The following DLG2 variants were observed in gnomAD, a reference collection of about 807,000 sequenced individuals.
DLG2 encodes the protein disks large homolog 2.
In DLG2, 45 loss-of-function variants were observed where a neutral mutation model predicts 132.5. The ratio of observed to expected loss-of-function variants is 0.34; its 90% CI spans 0.27 to 0.44. DLG2 has a LOEUF of 0.44. DLG2 is among the 20% of genes least tolerant of loss of function. DLG2 has a pLI of 1.00. For missense variants in DLG2, 1,045 were observed against 1,196.9 expected (o/e 0.87, Z 1.87); for synonymous variants, 424 against 419.6 (o/e 1.01, Z -0.13).
At chr11:84,569,969 G>T (rs922572261) in intron 6 of DLG2, among the ~76,000 whole-genome samples, 1 of 152,150 alleles carries the variant, frequency 6.6e-6, no homozygotes, top group African/African-American at 2.4e-5. Context: ...CTAATTACCT[G>T]TGTTGACATT....
chr11:83,572,742 A>G (rs1442224772), intron 19 of DLG2, among the ~76,000 whole-genome samples: 2 of 151,894 alleles, frequency 1.3e-5, no homozygotes, highest in African/African-American at 4.8e-5. Flanking sequence ...GAGGCAGCTC[A>G]CTCCTTAGTG....
At chr11:85,197,475 C>A (rs2081157010) in intron 4 of DLG2, among the ~76,000 whole-genome samples, 1 of 152,132 alleles carries the variant, frequency 6.6e-6, no homozygotes, top group South Asian at 2.1e-4. Flanking sequence ...ATTAAGAAAT[C>A]TTGACATTCA....
At chr11:83,717,664 C>T (rs1282170675) in intron 18 of DLG2, among the ~76,000 whole-genome samples, 1 of 152,196 alleles carries the variant, frequency 6.6e-6, no homozygotes, top group Non-Finnish European at 1.5e-5. Flanking sequence ...TACAGAAAAA[C>T]TCATGGCCTG....
At chr11:84,327,372 C>T (rs765798437) in intron 7 of DLG2, among the ~76,000 whole-genome samples, 5 of 151,990 alleles carry the variant, frequency 3.3e-5, no homozygotes, top group East Asian at 3.9e-4. Context: ...TGTGAGACAC[C>T]GTGCCCAGCT....
intron 6 of DLG2, among the ~76,000 whole-genome samples, chr11:84,606,614 A>G (rs1043989491): frequency 1.3e-5 from 2 of 152,190 alleles, no homozygotes; most frequent in Admixed American, 6.6e-5. Context: ...ATTGTGACAC[A>G]TAAGTGAAAC....
At chr11:83,571,018 G>A (rs1358038260) in intron 19 of DLG2, among the ~76,000 whole-genome samples, 1 of 151,980 alleles carries the variant, frequency 6.6e-6, no homozygotes, top group Non-Finnish European at 1.5e-5. Context: ...AAGTAGCCGG[G>A]ATTACAGGCA....
chr11:84,037,602 A>G (rs1332552514), intron 11 of DLG2, among the ~76,000 whole-genome samples: 1 of 152,116 alleles, frequency 6.6e-6, no homozygotes, highest in South Asian at 2.1e-4. Context: ...ACAATGAAGG[A>G]GAGAGAAAAG....
At chr11:83,825,962 G>A (rs2052628465) in intron 17 of DLG2, among the ~76,000 whole-genome samples, 1 of 152,148 alleles carries the variant, frequency 6.6e-6, no homozygotes, top group South Asian at 2.1e-4. Context: ...CAGAGTGGCT[G>A]AAGCATCAGT....
At chr11:85,184,168 C>G (rs2079924259) in intron 4 of DLG2, among the ~76,000 whole-genome samples, 1 of 151,700 alleles carries the variant, frequency 6.6e-6, no homozygotes, top group Non-Finnish European at 1.5e-5. Context: ...CTGGAAGGGA[C>G]CAGAGCATGA....
At chr11:83,903,686 G>C (rs549568567) in intron 15 of DLG2, among the ~76,000 whole-genome samples, 3 of 152,232 alleles carry the variant, frequency 2.0e-5, no homozygotes, top group Admixed American at 6.5e-5. Flanking sequence ...TCCACAATGA[G>C]TGTAGTTGCT....
At chr11:84,189,856 G>A (rs919822027) in intron 8 of DLG2, among the ~76,000 whole-genome samples, 6 of 152,066 alleles carry the variant, frequency 3.9e-5, no homozygotes, top group African/African-American at 1.4e-4. Context: ...GCATCAGGAA[G>A]GATAGCTAAT....
At chr11:83,625,363 C>G (rs1367253086) in intron 19 of DLG2, among the ~76,000 whole-genome samples, 1 of 152,226 alleles carries the variant, frequency 6.6e-6, no homozygotes, top group Admixed American at 6.5e-5. Context: ...ATTCCACACT[C>G]TTCTTTATCA....
chr11:83,793,725 C>G (rs762643291), intron 17 of DLG2, among the ~76,000 whole-genome samples: 7 of 152,134 alleles, frequency 4.6e-5, no homozygotes, highest in Non-Finnish European at 1.0e-4. Flanking sequence ...ACCTACCTAC[C>G]TACCTACCTA....
At position 84,536,350 on chromosome 11, in the gene DLG2, G is replaced by C. The variant is rs140320605; in HGVS notation, c.358-1619C>G. ...CTGAATCCTCTTTCAGTTATCATCAGCCTCTCCTCTACCCCATAAAGAGAT... is the reference window on the plus strand; with the variant it reads ...CTGAATCCTCTTTCAGTTATCATCACCCTCTCCTCTACCCCATAAAGAGAT... On this transcript the variant is annotated intron_variant, in intron 6 of 27. Transcript: ENST00000376104. Among the ~76,000 whole-genome samples, 136 of 151,884 alleles carry C rather than the reference G, an allele frequency of 9.0e-4. 3 individuals carry two copies. In the East Asian group the frequency reaches 0.026, roughly 29 times the overall value.
chr11:83,487,596 A>C (rs1199362705), intron 21 of DLG2, among the ~76,000 whole-genome samples: 3 of 152,042 alleles, frequency 2.0e-5, no homozygotes, highest in African/African-American at 7.2e-5. Flanking sequence ...AGCCTGCTTC[A>C]AGTTTATATT....
At chr11:84,150,849 A>C (rs1015841953) in intron 9 of DLG2, among the ~76,000 whole-genome samples, 1 of 152,082 alleles carries the variant, frequency 6.6e-6, no homozygotes, top group African/African-American at 2.4e-5. Flanking sequence ...GCTTTTTCTA[A>C]ATCTATTGAG....
chr11:85,112,472 CA>C (rs1409523310), intron 5 of DLG2, among the ~76,000 whole-genome samples: 1 of 151,786 alleles, frequency 6.6e-6, no homozygotes, highest in Non-Finnish European at 1.5e-5. Flanking sequence ...CTGATTAGTC[CA>C]AAAGGGGGGG....
chr11:83,991,943 C>T lies in DLG2; in HGVS notation c.920-11301G>A, dbSNP rs533579694. Among the ~76,000 whole-genome samples, 5 of 152,126 alleles carry T rather than the reference C, an allele frequency of 3.3e-5. No individual in the cohort carries two copies. The East Asian group carries it at 9.7e-4, about 29-fold the overall frequency. On this transcript the variant is annotated intron_variant, in intron 11 of 27. Coordinates refer to ENST00000376104, the MANE Select transcript of DLG2 (RefSeq NM_001142699.3). ...GGATTAGGGTCCATTGATTGGTGCC[C>T]TTATAAGAAGAGGAAATTTGGACAC...
chr11:84,921,689 G>A (rs2092763115), intron 6 of DLG2, among the ~76,000 whole-genome samples: 1 of 152,032 alleles, frequency 6.6e-6, no homozygotes, highest in African/African-American at 2.4e-5. Context: ...GCTGAATAAA[G>A]TACTTTTCTC....
Sources: allele counts gnomAD v4.1 joint callset (sites outside exome capture counted in the v4.1 genomes callset), GRCh38; gene constraint gnomAD v4.1.1; transcripts MANE v1.5; gene names NCBI Gene and HGNC (gene_info 2026-07-23, HGNC 2026-07-21).